The following TRPC5 variants were observed in gnomAD, a reference collection of about 807,000 sequenced individuals.
TRPC5 encodes the protein short transient receptor potential channel 5.
Under a neutral mutation model 56.5 loss-of-function variants are expected in TRPC5, and 9 were observed. The ratio of observed to expected loss-of-function variants is 0.16; its 90% CI spans 0.10 to 0.28. The LOEUF (loss-of-function observed/expected upper bound fraction) is 0.28, where lower values mean the gene tolerates loss of function less well. Among genes scored for constraint, TRPC5 ranks in the 10% least tolerant of loss-of-function variants. The probability of loss-of-function intolerance (pLI) is 1.00; values close to 1 mark genes in which losing one functional copy is unlikely to be tolerated. For missense variants in TRPC5, 469 were observed against 748.9 expected (o/e 0.63, Z 4.36); for synonymous variants, 282 against 278.5 (o/e 1.01, Z -0.13).
chrX:111,818,785 G>A (rs1026347516), intron 7 of TRPC5, among the ~76,000 whole-genome samples: 10 of 109,174 alleles, frequency 9.2e-5, no homozygotes, highest in South Asian at 4.0e-4. Context: ...TGTATTTTTA[G>A]TAGAGGCGGG....
chrX:112,072,204 T>C (rs183434652), intron 1 of TRPC5, among the ~76,000 whole-genome samples: 31 of 112,032 alleles, frequency 2.8e-4, no homozygotes, highest in Non-Finnish European at 5.1e-4. Context: ...TTGTGTGACC[T>C]TGGGCATGAG....
chrX:112,063,814 CAG>C (rs113348909), intron 1 of TRPC5, among the ~76,000 whole-genome samples: 9 of 111,947 alleles, frequency 8.0e-5, no homozygotes, highest in East Asian at 2.8e-4. Context: ...TTTTTTGAGA[CAG>C]AGTCTCGCTC....
At chrX:111,813,247 A>G (rs938582675) in intron 7 of TRPC5, among the ~76,000 whole-genome samples, 8 of 112,251 alleles carry the variant, frequency 7.1e-5, no homozygotes, top group African/African-American at 2.6e-4. Flanking sequence ...TATAATGTGC[A>G]CCTAACGACA....
At chrX:111,925,661 C>T (rs1926238257) in intron 2 of TRPC5, among the ~76,000 whole-genome samples, 1 of 111,989 alleles carries the variant, frequency 8.9e-6, no homozygotes, top group African/African-American at 3.2e-5. Context: ...CCTTTGTCTG[C>T]ATTTTCCCAA....
At chrX:112,068,814 C>G (rs1930649092) in intron 1 of TRPC5, among the ~76,000 whole-genome samples, 1 of 112,217 alleles carries the variant, frequency 8.9e-6, no homozygotes, top group Admixed American at 9.4e-5. Context: ...CTCTCAGGTA[C>G]TTTTCCCTGT....
At chrX:112,059,696 C>A (rs1171597442) in intron 1 of TRPC5, among the ~76,000 whole-genome samples, 1 of 112,008 alleles carries the variant, frequency 8.9e-6, no homozygotes, top group Non-Finnish European at 1.9e-5. Context: ...CAAATTTTCA[C>A]CTATGTGTTT....
In TRPC5 at chrX:112,005,283, G is replaced by A. The variant is rs1239732904; in HGVS notation, c.-21-52842C>T. On this transcript the variant is annotated intron_variant, in intron 1 of 10. Coordinates refer to ENST00000262839, the MANE Select transcript of TRPC5 (RefSeq NM_012471.3). ...GATGAGAACACATGGACACATAGAGGGGAATAACACATACTGGGGCCTTCT... is the reference window on the plus strand; with the variant it reads ...GATGAGAACACATGGACACATAGAGAGGAATAACACATACTGGGGCCTTCT... Among the ~76,000 whole-genome samples the A allele has an allele frequency of 4.6e-5, 5 of 109,042 alleles. No individual in the cohort carries two copies. The Admixed American group carries it at 4.9e-4, about 11-fold the overall frequency. 94.7% of individuals were successfully genotyped at this position (109,042 alleles called of 115,157 possible). A position where few individuals can be genotyped will look rare whatever the true frequency, so the allele number is the denominator to read the frequency against.
intron 1 of TRPC5, among the ~76,000 whole-genome samples, chrX:111,970,927 A>G (rs1426568479): frequency 9.1e-5 from 10 of 109,509 alleles, no homozygotes; most frequent in South Asian, 4.1e-4. Context: ...ACAGGCGCCC[A>G]CCACCACGCC....
intron 2 of TRPC5, among the ~76,000 whole-genome samples, chrX:111,938,203 C>T (rs1408249934): frequency 1.5e-4 from 14 of 93,097 alleles, no homozygotes; most frequent in East Asian, 1.3e-3. Flanking sequence ...TTTTGTATCC[C>T]GAGACTTTGC....
At chrX:111,914,566 C>A (rs1395316551) in intron 2 of TRPC5, among the ~76,000 whole-genome samples, 3 of 111,946 alleles carry the variant, frequency 2.7e-5, no homozygotes, top group Non-Finnish European at 5.6e-5. Context: ...GTTTCCTTCA[C>A]TGAGTGCTTG....
intron 1 of TRPC5, among the ~76,000 whole-genome samples, chrX:111,959,562 A>T (rs773726693): frequency 8.9e-6 from 1 of 112,076 alleles, no homozygotes; most frequent in Non-Finnish European, 1.9e-5. Flanking sequence ...TCCAGTAGTT[A>T]CAATTCAAAG....
intron 7 of TRPC5, among the ~76,000 whole-genome samples, chrX:111,801,651 A>C (rs1002645535): frequency 8.9e-6 from 1 of 112,168 alleles, no homozygotes; most frequent in African/African-American, 3.2e-5. Context: ...AATGATGTTG[A>C]GGATGTTACA....
At chrX:111,791,269 GTCAGCCAGCTTTT>G (rs1281088274) in intron 7 of TRPC5, among the ~76,000 whole-genome samples, 1 of 110,744 alleles carries the variant, frequency 9.0e-6, no homozygotes, top group Non-Finnish European at 1.9e-5. Flanking sequence ...GCCCGTTGAT[GTCAGCCAGCTTTT>G]TCATCAGCCA....
intron 3 of TRPC5, among the ~76,000 whole-genome samples, chrX:111,910,557 A>G (rs1207991392): frequency 8.9e-6 from 1 of 112,491 alleles, no homozygotes; most frequent in African/African-American, 3.2e-5. Flanking sequence ...TTTGATACAC[A>G]GTCTCACTCT....
intron 1 of TRPC5, among the ~76,000 whole-genome samples, chrX:112,038,674 C>A (rs1030362398): frequency 2.9e-4 from 32 of 109,235 alleles, no homozygotes; most frequent in African/African-American, 1.0e-3. Flanking sequence ...TAGGGCCTCA[C>A]TTTTTTTTTA....
At chrX:112,069,097 T>C (rs1930655826) in intron 1 of TRPC5, among the ~76,000 whole-genome samples, 1 of 111,686 alleles carries the variant, frequency 9.0e-6, no homozygotes, top group Non-Finnish European at 1.9e-5. Context: ...TGAGAGCTTA[T>C]TATGAGCCAG....
chrX:111,863,944 C>T (rs971434031), intron 3 of TRPC5, among the ~76,000 whole-genome samples: 1 of 111,792 alleles, frequency 8.9e-6, no homozygotes, highest in African/African-American at 3.3e-5. Context: ...GAATCACCCT[C>T]ATATTCCTGG....
intron 1 of TRPC5, among the ~76,000 whole-genome samples, chrX:111,974,873 T>C (rs1442010179): frequency 1.8e-5 from 2 of 111,899 alleles, no homozygotes; most frequent in Admixed American, 9.5e-5. Flanking sequence ...TCCATGGCAA[T>C]TGTTTAACAC....
intron 6 of TRPC5, among the ~76,000 whole-genome samples, chrX:111,844,561 G>A (rs1236938432): frequency 5.6e-5 from 6 of 106,619 alleles, no homozygotes; most frequent in Non-Finnish European, 1.2e-4. Flanking sequence ...TGCCTCCTGG[G>A]TTCAAGCGAT....
Sources: gnomAD v4.1 joint callset for allele counts (sites outside exome capture counted in the v4.1 genomes callset) on GRCh38, gnomAD v4.1.1 for gene constraint, MANE v1.5 for transcripts, NCBI Gene and HGNC (gene_info 2026-07-23, HGNC 2026-07-21) for gene names.